Variants in GCH1 observed in about 807,000 individuals in gnomAD.
GCH1 encodes GTP cyclohydrolase I.
A neutral mutation model predicts 25.9 loss-of-function variants in GCH1; 5 were observed. That is an observed-to-expected ratio of 0.19 (90% CI 0.10 to 0.41). GCH1 has a LOEUF of 0.41. Among genes scored for constraint, GCH1 ranks in the 10% least tolerant of loss-of-function variants. The pLI is 1.00. For synonymous variants in GCH1, 159 were observed against 129.6 expected, an observed-to-expected ratio of 1.23 and a Z score of -1.54; for missense variants, 261 against 336.5, an observed-to-expected ratio of 0.78 and a Z score of 1.75.
intron 1 of GCH1, among the ~76,000 whole-genome samples, chr14:54,898,061 T>C (rs1304292566): frequency 6.6e-6 from 1 of 152,170 alleles, no homozygotes; most frequent in African/African-American, 2.4e-5. Context: ...TGCAGGCAAC[T>C]GTAACACAAT....
At chr14:54,895,184 G>A (rs529714847) in intron 1 of GCH1, among the ~76,000 whole-genome samples, 9 of 152,292 alleles carry the variant, frequency 5.9e-5, no homozygotes, top group South Asian at 2.1e-4. Flanking sequence ...TATCTTTAGC[G>A]AATAGACATA....
chr14:54,888,666 C>T (rs2040384924), intron 1 of GCH1, among the ~76,000 whole-genome samples: 1 of 147,844 alleles, frequency 6.8e-6, no homozygotes, highest in Admixed American at 6.8e-5. Context: ...GCGCCCACAA[C>T]CACGCCCGGC....
intron 3 of GCH1, among the ~76,000 whole-genome samples, chr14:54,856,858 AGTTGAGCCAG>A (rs1270355235): frequency 2.6e-5 from 4 of 152,224 alleles, no homozygotes; most frequent in Non-Finnish European, 5.9e-5. Context: ...ATTCTACTAG[AGTTGAGCCAG>A]ATCAACTCAC....
At chr14:54,884,280 A>T (rs2040314757) in intron 1 of GCH1, among the ~76,000 whole-genome samples, 1 of 152,214 alleles carries the variant, frequency 6.6e-6, no homozygotes, top group South Asian at 2.1e-4. Context: ...AATTTTACCC[A>T]GGCCTAAAGG....
chr14:54,900,330 C>G (rs2040546513), intron 1 of GCH1, among the ~76,000 whole-genome samples: 1 of 149,004 alleles, frequency 6.7e-6, no homozygotes, highest in African/African-American at 2.6e-5. Flanking sequence ...CTGCCTCAGC[C>G]TCCCGAGTAG....
chr14:54,863,915 G>C (rs575744373), intron 2 of GCH1, among the ~76,000 whole-genome samples: 1 of 152,226 alleles, frequency 6.6e-6, no homozygotes, highest in African/African-American at 2.4e-5. Flanking sequence ...CTAGGATATA[G>C]TGGCGCAATC....
intron 1 of GCH1, among the ~76,000 whole-genome samples, chr14:54,870,484 G>C (rs1245656220): frequency 2.0e-5 from 3 of 152,186 alleles, no homozygotes; most frequent in Non-Finnish European, 4.4e-5. Context: ...ATCTCACTGG[G>C]GAGTGTCGGA....
At chr14:54,848,858 T>C (rs2039683774) in intron 3 of GCH1, among the ~76,000 whole-genome samples, 1 of 152,238 alleles carries the variant, frequency 6.6e-6, no homozygotes, top group African/African-American at 2.4e-5. Context: ...AGCTCCTAGA[T>C]AGGAGGTATG....
chr14:54,865,298 T>C, intron 2 of GCH1, 29 bp downstream of exon 2: 1 of 1,066,436 alleles, frequency 9.4e-7, no homozygotes, highest in East Asian at 2.4e-5. Flanking sequence ...ATGTTTTAAA[T>C]TGCTGGGAAA....
rs1344767877 is a variant in GCH1, at chr14:54,862,596, T to TTTG, written c.453+2730_453+2731insCAA. 3.0e-5 allele frequency among the ~76,000 whole-genome samples: 4 copies of TTTG among 131,508 alleles called. 1 individual carries two copies. The highest frequency in any genetic ancestry group is 5.6e-5 in the African/African-American group (2 of 35,522). The allele number at this position is 131,508 out of a possible 152,430, so 86.3% of individuals were successfully genotyped here. ...TCTGTTTGGTTGATTGGTTTTCGTT[T>TTTG]TTTTTTTTTTTGGTTGGTTTTTTTT... On this transcript the variant is annotated intron_variant, in intron 2 of 5. Coordinates refer to ENST00000491895, the MANE Select transcript of GCH1 (RefSeq NM_000161.3).
At chr14:54,861,232 T>C (rs1594984505) in intron 2 of GCH1, among the ~76,000 whole-genome samples, 1 of 152,214 alleles carries the variant, frequency 6.6e-6, no homozygotes, top group South Asian at 2.1e-4. Flanking sequence ...GTCCACCTCA[T>C]TGCCTTCCTG....
intron 1 of GCH1, among the ~76,000 whole-genome samples, chr14:54,900,418 A>G (rs371693891): frequency 0.011 from 1,497 of 132,380 alleles, 25 homozygotes; most frequent in African/African-American, 0.039. Flanking sequence ...CGCCATGTTG[A>G]CCGGGCTGGT....
chr14:54,848,780 G>T (rs1469583190), intron 3 of GCH1, among the ~76,000 whole-genome samples: 3 of 152,140 alleles, frequency 2.0e-5, no homozygotes, highest in African/African-American at 7.2e-5. Flanking sequence ...CTAGGATATT[G>T]AAGAAATATA....
At chr14:54,871,890 C>T (rs1032118760) in intron 1 of GCH1, among the ~76,000 whole-genome samples, 12 of 152,148 alleles carry the variant, frequency 7.9e-5, no homozygotes, top group Admixed American at 7.2e-4. Flanking sequence ...CTGAAAGTGA[C>T]AGGGAGAATG....
intron 1 of GCH1, among the ~76,000 whole-genome samples, chr14:54,900,845 T>TCTCACACACA (rs372705352): frequency 2.1e-5 from 3 of 144,634 alleles, no homozygotes; most frequent in East Asian, 4.1e-4. Flanking sequence ...GTGAAATATC[T>TCTCACACACA]CACACACACA....
intron 1 of GCH1, among the ~76,000 whole-genome samples, chr14:54,888,353 C>T (rs8011712): frequency 6.6e-6 from 1 of 152,092 alleles, no homozygotes; most frequent in East Asian, 1.9e-4. Flanking sequence ...TCAGAGACCT[C>T]GGCATGACAA....
At chr14:54,861,882 CT>C (rs1211033388) in intron 2 of GCH1, among the ~76,000 whole-genome samples, 1 of 152,212 alleles carries the variant, frequency 6.6e-6, no homozygotes, top group African/African-American at 2.4e-5. Context: ...CACTAACTCT[CT>C]CTATCCTCTT....
chr14:54,851,880 A>C (rs968993735), intron 3 of GCH1, among the ~76,000 whole-genome samples: 1 of 152,218 alleles, frequency 6.6e-6, no homozygotes, highest in Non-Finnish European at 1.5e-5. Flanking sequence ...TGGGTATATA[A>C]CCAAAGGATT....
At chr14:54,880,454 A>T (rs148945540) in intron 1 of GCH1, among the ~76,000 whole-genome samples, 2,256 of 69,908 alleles carry the variant, frequency 0.032, 164 homozygotes, top group African/African-American at 0.1. Flanking sequence ...ACTCCATATA[A>T]ATATATACTC....
Sources: gnomAD v4.1 joint callset for allele counts (sites outside exome capture counted in the v4.1 genomes callset) on GRCh38, gnomAD v4.1.1 for gene constraint, MANE v1.5 for transcripts, NCBI Gene and HGNC (gene_info 2026-07-23, HGNC 2026-07-21) for gene names.